The following COL11A1 variants were observed in gnomAD, a reference collection of about 807,000 sequenced individuals.
The protein encoded by COL11A1 is collagen type XI alpha 1 chain.
COL11A1 carries 74 observed loss-of-function variants against 265.2 expected under a neutral mutation model. The observed-to-expected ratio is 0.28, with a 90% CI of 0.23 to 0.34. The LOEUF (loss-of-function observed/expected upper bound fraction) is 0.34. Ranked by LOEUF, COL11A1 falls within the 10% of genes least tolerant of loss-of-function variation. COL11A1 has a pLI of 1.00. For missense variants in COL11A1, 2,165 were observed against 2,263.6 expected (o/e 0.96, Z 0.88); for synonymous variants, 816 against 727.6 (o/e 1.12, Z -1.96).
In COL11A1 at chr1:102,997,956, G is replaced by C. The variant is rs535881074; in HGVS notation, c.2196+354C>G. On this transcript the variant is annotated intron_variant, in intron 25 of 66. Coordinates refer to ENST00000370096, the MANE Select transcript of COL11A1 (RefSeq NM_001854.4). ...GAAGATGGAAGGGCTTTCTAGGAGAGGAAACAGCTTGGGAAAGGTAAGGTG... is the reference window on the plus strand; with the variant it reads ...GAAGATGGAAGGGCTTTCTAGGAGACGAAACAGCTTGGGAAAGGTAAGGTG... Among the ~76,000 whole-genome samples the C allele has an allele frequency of 2.6e-5, 4 of 151,920 alleles. No homozygotes were observed. In the South Asian group the frequency reaches 8.3e-4, roughly 32 times the overall value.
In COL11A1 at chr1:102,906,523, T is replaced by C. The variant is rs189794901; in HGVS notation, c.4086+5636A>G. On this transcript the variant is annotated intron_variant, in intron 54 of 66. Transcript: ENST00000370096. ...CCCAGGCTCATGCAATCCTCCCACC[T>C]CAGCCTCCCAAGTAGCTGGGACTAC... Among the ~76,000 whole-genome samples, 439 of 152,154 alleles carry C rather than the reference T, an allele frequency of 2.9e-3. 3 individuals carry two copies. Among genetic ancestry groups the C allele is most frequent in the African/African-American group, 0.01 (423 of 41,538 alleles).
chr1:102,935,799 TGG>T (rs561699646), intron 44 of COL11A1, among the ~76,000 whole-genome samples: 110 of 152,262 alleles, frequency 7.2e-4, no homozygotes, highest in Middle Eastern at 3.4e-3. Flanking sequence ...CTACTACTTG[TGG>T]GGGAACTGTT....
chr1:102,961,474 AT>A (rs1660902602), intron 41 of COL11A1, among the ~76,000 whole-genome samples: 2 of 152,350 alleles, frequency 1.3e-5, no homozygotes, highest in African/African-American at 4.8e-5. Context: ...ATAGAATATA[AT>A]TTATAAGAAA....
intron 4 of COL11A1, among the ~76,000 whole-genome samples, chr1:103,061,903 C>T (rs544663948): frequency 4.6e-5 from 7 of 151,890 alleles, no homozygotes; most frequent in Non-Finnish European, 1.0e-4. Flanking sequence ...CAAACCAAAA[C>T]CTGATTCTTT....
chr1:102,947,291 T>C (rs1659397078), intron 41 of COL11A1, among the ~76,000 whole-genome samples: 1 of 152,188 alleles, frequency 6.6e-6, no homozygotes, highest in Non-Finnish European at 1.5e-5. Flanking sequence ...ATATATCTAA[T>C]AACCTCCTAC....
chr1:102,937,273 A>G (rs776057299), intron 44 of COL11A1, among the ~76,000 whole-genome samples: 7 of 152,226 alleles, frequency 4.6e-5, no homozygotes, highest in Non-Finnish European at 8.8e-5. Flanking sequence ...GCTGGCCCAT[A>G]TAATGGCCAT....
At chr1:102,930,576 G>A (rs996139001) in intron 46 of COL11A1, among the ~76,000 whole-genome samples, 48 of 152,116 alleles carry the variant, frequency 3.2e-4, no homozygotes, top group Non-Finnish European at 3.8e-4. Context: ...GTCTCTGCCC[G>A]GCTTTAGTAT....
rs1649739290 is a variant in COL11A1, at chr1:102,878,185, T to C, written c.5275-20A>G. 6.3e-7 allele frequency: 1 copy of C among 1,594,180 alleles called. No individual in the cohort carries two copies. Among genetic ancestry groups the C allele is most frequent in the African/African-American group, 1.3e-5 (1 of 74,126 alleles). ...TCTGGACTGTAAAATAAAGCAGAAA[T>C]AAAAAGTTATACAATCTTTTAATAT... On this transcript the variant is annotated intron_variant, in intron 66 of 66. Transcript: ENST00000370096.
At position 103,032,216 on chromosome 1, in the gene COL11A1, G is replaced by A. The variant is rs138466903; in HGVS notation, c.652-972C>T. 6.6e-5 allele frequency among the ~76,000 whole-genome samples: 10 copies of A among 152,046 alleles called. No individual in the cohort carries two copies. The East Asian group carries it at 1.4e-3, about 21-fold the overall frequency. On this transcript the variant is annotated intron_variant, in intron 4 of 66. Transcript: ENST00000370096. The stretch of plus-strand genomic sequence containing the variant: ...CATAAATCTGATTCATAAAACTCCC[G>A]ACTCCATATTTAATAACTTAAAAGT...
chr1:103,064,112 T>A (rs889458008), intron 4 of COL11A1, among the ~76,000 whole-genome samples: 2 of 152,216 alleles, frequency 1.3e-5, no homozygotes, highest in Non-Finnish European at 1.5e-5. Context: ...CGTTCCTTGC[T>A]GGCGGGAATC....
Position 102,877,870 on chromosome 1 carries a change from C to A in COL11A1, c.*149G>T. 2.7e-6 allele frequency: 2 copies of A among 736,276 alleles called. No homozygotes were observed. Among genetic ancestry groups the A allele is most frequent in the East Asian group, 2.7e-5 (1 of 36,974 alleles). 45.6% of individuals were successfully genotyped at this position (736,276 alleles called of 1,614,324 possible). On this transcript the variant is annotated 3_prime_UTR_variant, in exon 67 of 67. Coordinates refer to ENST00000370096, the MANE Select transcript of COL11A1 (RefSeq NM_001854.4). The stretch of plus-strand genomic sequence containing the variant: ...AGCTTTTGCCATGTGATTCTGCCCC[C>A]ACAAAGGCATCGGTATTTCCTAAAT...
At chr1:103,048,648 A>T (rs1203505109) in intron 4 of COL11A1, among the ~76,000 whole-genome samples, 1 of 151,908 alleles carries the variant, frequency 6.6e-6, no homozygotes, top group Non-Finnish European at 1.5e-5. Context: ...TAGCTTTTGA[A>T]TGTGTTTGCT....
At chr1:103,023,325 TA>T (rs1385727198) in intron 7 of COL11A1, among the ~76,000 whole-genome samples, 5 of 151,992 alleles carry the variant, frequency 3.3e-5, no homozygotes, top group African/African-American at 1.2e-4. Flanking sequence ...ATTTGAACAA[TA>T]AAAAAGGTAT....
At chr1:102,931,836 G>C (rs201116890) in intron 46 of COL11A1, among the ~76,000 whole-genome samples, 15,036 of 148,206 alleles carry the variant, frequency 0.1, 821 homozygotes, top group Middle Eastern at 0.12. Context: ...GATCCCTTTA[G>C]CATTATGTAA....
At chr1:102,954,597 C>A (rs1322756154) in intron 41 of COL11A1, among the ~76,000 whole-genome samples, 1 of 152,202 alleles carries the variant, frequency 6.6e-6, no homozygotes, top group Non-Finnish European at 1.5e-5. Flanking sequence ...GTAATCCCAA[C>A]ACTTTGGGAG....
intron 4 of COL11A1, among the ~76,000 whole-genome samples, chr1:103,034,043 C>T (rs1160285917): frequency 2.0e-5 from 3 of 152,082 alleles, no homozygotes; most frequent in Non-Finnish European, 2.9e-5. Flanking sequence ...TTCATGCCCT[C>T]CACAGTATAT....
intron 46 of COL11A1, among the ~76,000 whole-genome samples, chr1:102,928,053 C>A (rs1331470401): frequency 1.3e-5 from 2 of 152,044 alleles, no homozygotes; most frequent in African/African-American, 4.8e-5. Flanking sequence ...ATCTGAAGTA[C>A]TAACTTATCT....
At chr1:102,965,111 C>A (rs116353412) in intron 38 of COL11A1, among the ~76,000 whole-genome samples, 1,875 of 152,032 alleles carry the variant, frequency 0.012, 10 homozygotes, top group Non-Finnish European at 0.02. Flanking sequence ...ATACTCAAAA[C>A]CATGAAGTCA....
intron 38 of COL11A1, 35 bp downstream of exon 38, chr1:102,965,452 A>T: frequency 6.3e-7 from 1 of 1,590,230 alleles, no homozygotes. Flanking sequence ...AACAAAAAAT[A>T]AATCTTGCTT....
Sources: allele counts gnomAD v4.1 joint callset (sites outside exome capture counted in the v4.1 genomes callset), GRCh38; gene constraint gnomAD v4.1.1; transcripts MANE v1.5; gene names NCBI Gene and HGNC (gene_info 2026-07-23, HGNC 2026-07-21).